LNX1: variants seen among roughly 807,000 people sequenced by gnomAD.
LNX1 encodes the protein E3 ubiquitin-protein ligase LNX.
In LNX1, 54 loss-of-function variants were observed where a neutral mutation model predicts 68.4. That is an observed-to-expected ratio of 0.79 (90% confidence interval 0.63 to 0.99). The LOEUF (loss-of-function observed/expected upper bound fraction) is 0.99. Ranked by LOEUF, LNX1 falls within the 50% of genes least tolerant of loss-of-function variation. The pLI is 0.00. For synonymous variants in LNX1, 336 were observed against 350.0 expected (o/e 0.96, Z 0.45); for missense variants, 906 against 926.4 (o/e 0.98, Z 0.29).
intron 2 of LNX1, among the ~76,000 whole-genome samples, chr4:53,531,037 T>C (rs1263542639): frequency 1.3e-5 from 2 of 152,112 alleles, no homozygotes; most frequent in Non-Finnish European, 2.9e-5. Flanking sequence ...TGGTGGTGTG[T>C]GCCTATGGTC....
At chr4:53,499,309 C>A (rs992478835) in intron 4 of LNX1, among the ~76,000 whole-genome samples, 1 of 152,122 alleles carries the variant, frequency 6.6e-6, no homozygotes, top group African/African-American at 2.4e-5. Context: ...CAGGCACATG[C>A]CACCATTCCT....
chr4:53,613,622 C>T (rs997236020), intron 2 of LNX1, among the ~76,000 whole-genome samples: 4 of 152,126 alleles, frequency 2.6e-5, no homozygotes, highest in Admixed American at 2.6e-4. Context: ...CCCATATTCC[C>T]ACAAAAGACA....
At chr4:53,585,817 G>A (rs761600476) in intron 1 of LNX1, among the ~76,000 whole-genome samples, 10 of 152,290 alleles carry the variant, frequency 6.6e-5, no homozygotes, top group Non-Finnish European at 1.3e-4. Context: ...CCAGAACTGT[G>A]AGACAATAAA....
chr4:53,640,240 G>A (rs1734628067), intron 1 of LNX1, among the ~76,000 whole-genome samples: 1 of 152,158 alleles, frequency 6.6e-6, no homozygotes, highest in Non-Finnish European at 1.5e-5. Context: ...CTGTCAGGAA[G>A]GCGAGGAAGC....
At chr4:53,587,421 G>T (rs1361374737) in intron 1 of LNX1, among the ~76,000 whole-genome samples, 1 of 152,168 alleles carries the variant, frequency 6.6e-6, no homozygotes, top group Non-Finnish European at 1.5e-5. Context: ...GTTTTGAAAA[G>T]CCTTTGATAC....
At chr4:53,574,207 G>C (rs1352935909) in intron 1 of LNX1, 119 bp from the exon 2 acceptor site, 3 of 800,082 alleles carry the variant, frequency 3.7e-6, no homozygotes, top group Non-Finnish European at 5.7e-6. Context: ...CAGAAAGCCA[G>C]GGTTGAGGGT....
At chr4:53,645,181 T>G (rs1027510998) in intron 1 of LNX1, among the ~76,000 whole-genome samples, 3 of 152,148 alleles carry the variant, frequency 2.0e-5, no homozygotes, top group African/African-American at 7.2e-5. Flanking sequence ...GGATACACGG[T>G]GGCCCTTACA....
chr4:53,576,231 GC>G (rs1208491397), intron 1 of LNX1: 56 of 1,605,322 alleles, frequency 3.5e-5, no homozygotes, highest in Non-Finnish European at 3.5e-5. Flanking sequence ...GCTTCCTGCA[GC>G]CGAGGGTCCT....
chr4:53,514,401 C>T (rs1726591146), intron 2 of LNX1, among the ~76,000 whole-genome samples: 1 of 152,194 alleles, frequency 6.6e-6, no homozygotes, highest in South Asian at 2.1e-4. Context: ...TTCATGGACA[C>T]ACAGTCCCAC....
chr4:53,514,376 T>C (rs571289943), intron 2 of LNX1, among the ~76,000 whole-genome samples: 92 of 152,298 alleles, frequency 6.0e-4, no homozygotes, highest in Middle Eastern at 6.8e-3. Context: ...GGGTAATTTA[T>C]AAAGAAAAAG....
chr4:53,498,384 G>C (rs1376719520), intron 5 of LNX1, among the ~76,000 whole-genome samples: 1 of 152,090 alleles, frequency 6.6e-6, no homozygotes, highest in African/African-American at 2.4e-5. Flanking sequence ...CAGAAGAGTG[G>C]ACAGACAAAA....
chr4:53,479,216 T>G (rs1413403192), intron 7 of LNX1, among the ~76,000 whole-genome samples: 1 of 152,172 alleles, frequency 6.6e-6, no homozygotes, highest in African/African-American at 2.4e-5. Flanking sequence ...GCACACAGAG[T>G]GAACTGCACC....
intron 9 of LNX1, among the ~76,000 whole-genome samples, chr4:53,474,203 G>C (rs1279066290): frequency 6.6e-6 from 1 of 152,168 alleles, no homozygotes; most frequent in East Asian, 1.9e-4. Flanking sequence ...TGATACCCAA[G>C]AACATCAGAT....
At chr4:53,537,599 T>G (rs1232587602) in intron 2 of LNX1, among the ~76,000 whole-genome samples, 2 of 152,242 alleles carry the variant, frequency 1.3e-5, no homozygotes, top group African/African-American at 4.8e-5. Flanking sequence ...TTTACATTAG[T>G]GTGACTTTGC....
chr4:53,649,328 T>C (rs1246649248), intron 1 of LNX1, among the ~76,000 whole-genome samples: 4 of 152,218 alleles, frequency 2.6e-5, no homozygotes, highest in South Asian at 4.1e-4. Context: ...TTAATTTACA[T>C]GTCAATCCCA....
chr4:53,623,241 T>C (rs1430452289), intron 1 of LNX1, among the ~76,000 whole-genome samples: 1 of 150,852 alleles, frequency 6.6e-6, no homozygotes, highest in Non-Finnish European at 1.5e-5. Context: ...TCTCACTCTG[T>C]CGCCCAGGCT....
Position 53,591,392 on chromosome 4 carries a change from T to TCAAGCGACTGTCTGGGGCTCTC in LNX1, c.-113_-92dup. 2 of 985,544 alleles carry TCAAGCGACTGTCTGGGGCTCTC rather than the reference T, an allele frequency of 2.0e-6. No homozygotes were observed. The highest frequency in any genetic ancestry group is 2.4e-6 in the Non-Finnish European group (2 of 830,068). 61.0% of individuals were successfully genotyped at this position (985,544 alleles called of 1,614,324 possible). A position where few individuals can be genotyped will look rare whatever the true frequency, so the allele number is the denominator to read the frequency against. On this transcript the variant is annotated 5_prime_UTR_variant, in exon 1 of 11. It removes the in-frame stop codon of an upstream open reading frame in the 5' UTR. Coordinates refer to ENST00000263925, the MANE Select transcript of LNX1 (RefSeq NM_001126328.3). ...AAATGGAGGGTTTCAACTCACCTCT[T>TCAAGCGACTGTCTGGGGCTCTC]CAAGCGACTGTCTGGGGCTCTCCAA...
intron 4 of LNX1, among the ~76,000 whole-genome samples, chr4:53,505,145 A>G (rs1725785253): frequency 6.6e-6 from 1 of 152,264 alleles, no homozygotes; most frequent in African/African-American, 2.4e-5. Flanking sequence ...CTTGATGCCA[A>G]GAACTACATT....
intron 2 of LNX1, among the ~76,000 whole-genome samples, chr4:53,564,141 A>G (rs1730476027): frequency 6.6e-6 from 1 of 152,168 alleles, no homozygotes; most frequent in African/African-American, 2.4e-5. Flanking sequence ...CTGTTTTCCA[A>G]AAGTGCATCT....
Sources: allele counts gnomAD v4.1 joint callset (sites outside exome capture counted in the v4.1 genomes callset), GRCh38; gene constraint gnomAD v4.1.1; transcripts MANE v1.5; gene names NCBI Gene and HGNC (gene_info 2026-07-23, HGNC 2026-07-21).